The following ZBTB46 variants were observed in gnomAD, a reference collection of about 807,000 sequenced individuals.
ZBTB46 encodes the protein zinc finger and BTB domain-containing protein 46.
A neutral mutation model predicts 44.1 loss-of-function variants in ZBTB46; 8 were observed. That is an observed-to-expected ratio of 0.18 (90% CI 0.11 to 0.33). The LOEUF is 0.33. Among genes scored for constraint, ZBTB46 ranks in the 10% least tolerant of loss-of-function variants. The pLI is 1.00. For missense variants in ZBTB46, 651 were observed against 847.7 expected (o/e 0.77, Z 2.88); for synonymous variants, 409 against 382.3 (o/e 1.07, Z -0.81).
intron 1 of ZBTB46, among the ~76,000 whole-genome samples, chr20:63,806,514 T>G (rs2092682628): frequency 6.6e-6 from 1 of 152,018 alleles, no homozygotes; most frequent in African/African-American, 2.4e-5. Flanking sequence ...AACTCTGACC[T>G]GAAATGGTAA....
At chr20:63,794,123 T>C (rs998805131) in intron 1 of ZBTB46, among the ~76,000 whole-genome samples, 1 of 151,618 alleles carries the variant, frequency 6.6e-6, no homozygotes, top group Non-Finnish European at 1.5e-5. Flanking sequence ...GAGGCGGAGC[T>C]TGCAGTGAGC....
intron 2 of ZBTB46, among the ~76,000 whole-genome samples, chr20:63,781,678 G>C (rs574104333): frequency 1.3e-5 from 2 of 152,204 alleles, no homozygotes; most frequent in East Asian, 3.9e-4. Flanking sequence ...TGTAATCCCA[G>C]GTACTCGGGA....
chr20:63,828,195 C>T (rs973327406), intron 1 of ZBTB46, among the ~76,000 whole-genome samples: 2 of 152,242 alleles, frequency 1.3e-5, no homozygotes, highest in African/African-American at 2.4e-5. Flanking sequence ...AAGCCTGGGT[C>T]TGTATATGTG....
intron 3 of ZBTB46, chr20:63,775,413 A>C: frequency 2.5e-6 from 1 of 402,382 alleles, no homozygotes; most frequent in Non-Finnish European, 4.4e-6. Context: ...TGTGAGAAAC[A>C]TTCCAGCAAG....
chr20:63,770,489 T>A (rs946357720), intron 3 of ZBTB46, among the ~76,000 whole-genome samples: 23 of 152,170 alleles, frequency 1.5e-4, no homozygotes, highest in Non-Finnish European at 3.1e-4. Context: ...GCCATCTGTT[T>A]AATTTAACAG....
At chr20:63,832,202 C>G (rs1300738789), upstream of ZBTB46, among the ~76,000 whole-genome samples, 3 of 152,212 alleles carry the variant, frequency 2.0e-5, no homozygotes, top group African/African-American at 7.2e-5. The surrounding 1 kb of genome is among the most constrained non-coding windows in gnomAD (Gnocchi z 5.0). Flanking sequence ...GGCGCCCGGA[C>G]TCTGCGCGTC....
At chr20:63,817,034 G>C (rs1356512268) in intron 1 of ZBTB46, among the ~76,000 whole-genome samples, 2 of 152,092 alleles carry the variant, frequency 1.3e-5, no homozygotes, top group Non-Finnish European at 2.9e-5. Flanking sequence ...GAACCCAGGA[G>C]GCAGAGGTTG....
At chr20:63,805,858 C>T (rs979449352) in intron 1 of ZBTB46, among the ~76,000 whole-genome samples, 3 of 152,048 alleles carry the variant, frequency 2.0e-5, no homozygotes, top group East Asian at 2.0e-4. Flanking sequence ...CTGCAACCTC[C>T]GCCTCCTGGG....
chr20:63,780,584 C>T (rs1265557518), intron 2 of ZBTB46, among the ~76,000 whole-genome samples: 4 of 151,496 alleles, frequency 2.6e-5, no homozygotes, highest in Non-Finnish European at 4.4e-5. Context: ...GGGCGGATCA[C>T]GAGGTCAGGA....
intron 3 of ZBTB46, among the ~76,000 whole-genome samples, chr20:63,764,168 G>A (rs952065185): frequency 6.6e-6 from 1 of 152,128 alleles, no homozygotes; most frequent in Non-Finnish European, 1.5e-5. Flanking sequence ...CAAGCACGGT[G>A]GCTCATGCCT....
intron 3 of ZBTB46, among the ~76,000 whole-genome samples, chr20:63,766,997 T>C (rs879329076): frequency 1.3e-5 from 2 of 152,198 alleles, no homozygotes; most frequent in African/African-American, 2.4e-5. Flanking sequence ...TCTGGGTCCC[T>C]GGAGCCCACC....
chr20:63,749,406 G>T (rs541310769), intron 4 of ZBTB46, among the ~76,000 whole-genome samples: 1 of 152,020 alleles, frequency 6.6e-6, no homozygotes, highest in South Asian at 2.1e-4. Flanking sequence ...TTGCCATCTC[G>T]GCTCACTGCC....
intron 3 of ZBTB46, among the ~76,000 whole-genome samples, chr20:63,764,594 AT>A (rs1358225187): frequency 1.5e-5 from 2 of 137,848 alleles, no homozygotes; most frequent in Non-Finnish European, 3.1e-5. Context: ...AATGTTAAGC[AT>A]TTTTTCTCTG....
intron 2 of ZBTB46, among the ~76,000 whole-genome samples, chr20:63,781,018 G>C (rs1471075085): frequency 1.3e-5 from 2 of 148,986 alleles, no homozygotes; most frequent in Non-Finnish European, 3.0e-5. Flanking sequence ...GCGGGTGCCT[G>C]TAATCCCAGC....
rs961542156 is a variant in ZBTB46 at position 63,766,981 on chromosome 20, T to C, written c.1222+8697A>G. 2.6e-5 allele frequency among the ~76,000 whole-genome samples: 4 copies of C among 152,300 alleles called. No individual in the cohort carries two copies. In the East Asian group the frequency reaches 7.7e-4, roughly 29 times the overall value. On this transcript the variant is annotated intron_variant, in intron 3 of 4. Coordinates refer to ENST00000245663, the MANE Select transcript of ZBTB46 (RefSeq NM_001369741.1). ...TGCCTATCCCCCTCCTGAGCCCACC[T>C]GCTGCTCTGGGTCCCTGGAGCCCAC...
At chr20:63,777,839 C>T (rs1331925610) in intron 2 of ZBTB46, among the ~76,000 whole-genome samples, 4 of 152,170 alleles carry the variant, frequency 2.6e-5, no homozygotes, top group African/African-American at 9.7e-5. Flanking sequence ...AGACACAGGC[C>T]ACCACACAGA....
At chr20:63,792,225 G>C (rs992897279) in intron 1 of ZBTB46, among the ~76,000 whole-genome samples, 14 of 152,132 alleles carry the variant, frequency 9.2e-5, no homozygotes, top group Non-Finnish European at 1.8e-4. Flanking sequence ...ATCGTAAGGG[G>C]ACACGTTCAC....
chr20:63,804,362 T>G (rs138061160), intron 1 of ZBTB46, among the ~76,000 whole-genome samples: 1 of 152,112 alleles, frequency 6.6e-6, no homozygotes, highest in Non-Finnish European at 1.5e-5. Context: ...GATGACACAG[T>G]GGAACAGGTC....
At chr20:63,827,286 C>T (rs2092824406) in intron 1 of ZBTB46, among the ~76,000 whole-genome samples, 1 of 152,210 alleles carries the variant, frequency 6.6e-6, no homozygotes. Flanking sequence ...CGAGTGTCTC[C>T]GGTAAGACGC....
Sources: allele counts gnomAD v4.1 joint callset (sites outside exome capture counted in the v4.1 genomes callset), GRCh38; gene constraint gnomAD v4.1.1; non-coding constraint Gnocchi (gnomAD v3.1); transcripts MANE v1.5; gene names NCBI Gene and HGNC (gene_info 2026-07-23, HGNC 2026-07-21).